Variants in RBFOX1 observed in about 807,000 individuals in gnomAD.
RBFOX1 encodes RNA binding protein fox-1 homolog 1.
A neutral mutation model predicts 57.7 loss-of-function variants in RBFOX1; 8 were observed. The ratio of observed to expected loss-of-function variants is 0.14; its 90% CI spans 0.08 to 0.25. The LOEUF (loss-of-function observed/expected upper bound fraction) is 0.25. RBFOX1 is among the 10% of genes least tolerant of loss of function. RBFOX1 has a pLI of 1.00. For synonymous variants in RBFOX1, 326 were observed against 222.4 expected, an observed-to-expected ratio of 1.47 and a Z score of -4.15; for missense variants, 611 against 548.5, an observed-to-expected ratio of 1.11 and a Z score of -1.14.
intron 1 of RBFOX1, among the ~76,000 whole-genome samples, chr16:6,242,255 T>G (rs1479983571): frequency 6.6e-6 from 1 of 152,202 alleles, no homozygotes; most frequent in South Asian, 2.1e-4. Context: ...TGTTGTTTAT[T>G]CAAACAGGAT....
rs562753084 is a variant in RBFOX1 at position 6,504,409 on chromosome 16, A to C, written c.-63-150194A>C. Among the ~76,000 whole-genome samples the C allele has an allele frequency of 3.3e-5, 5 of 152,330 alleles. No homozygotes were observed. In the East Asian group the frequency reaches 9.7e-4, roughly 29 times the overall value. ...TGTTTGCTTTTCTGATTCTGCTGGC[A>C]CTGGTGTATGCTTCACCATTGGTTT... is the stretch of plus-strand genomic sequence containing the variant. On this transcript the variant is annotated intron_variant, in intron 2 of 15. Coordinates refer to ENST00000550418, the MANE Select transcript of RBFOX1 (RefSeq NM_018723.4).
At chr16:6,411,252 C>A (rs2093450208) in intron 2 of RBFOX1, among the ~76,000 whole-genome samples, 1 of 152,180 alleles carries the variant, frequency 6.6e-6, no homozygotes, top group African/African-American at 2.4e-5. Flanking sequence ...AAAGCATTGG[C>A]ATTACTGGTG....
In RBFOX1 at chr16:6,492,796, A is replaced by G. The variant is rs2095663442; in HGVS notation, c.-63-161807A>G. ...AGTGGATTTGCCTGGATGTAAAACT[A>G]CATCTAAGATGTTATGAGTGAGGAA... On this transcript the variant is annotated intron_variant, in intron 2 of 15. Transcript: ENST00000550418. Among the ~76,000 whole-genome samples the G allele has an allele frequency of 1.3e-5, 2 of 152,194 alleles. 1 individual carries two copies. Among genetic ancestry groups the G allele is most frequent in the South Asian group, 4.1e-4 (2 of 4,834 alleles).
At chr16:7,524,399 T>C (rs1213541950) in intron 5 of RBFOX1, among the ~76,000 whole-genome samples, 3 of 152,204 alleles carry the variant, frequency 2.0e-5, no homozygotes, top group Non-Finnish European at 4.4e-5. Flanking sequence ...TTCTATTTCA[T>C]GTAGGCCTCC....
At position 7,350,560 on chromosome 16, in the gene RBFOX1, TG is replaced by T. The variant is rs571695864; in HGVS notation, c.28-167584del. ...CATGTTAAAAGATTCCTCTGGAAAG[TG>T]GGAGGAGGATGGACAAATAATCTTT... is the stretch of plus-strand genomic sequence containing the variant. On this transcript the variant is annotated intron_variant, in intron 4 of 15. Transcript: ENST00000550418. Among the ~76,000 whole-genome samples the T allele has an allele frequency of 1.4e-4, 22 of 152,142 alleles. 1 individual carries two copies. The highest frequency in any genetic ancestry group is 1.4e-3 in the Admixed American group (22 of 15,294).
chr16:7,242,304 A>G (rs1247595271), intron 4 of RBFOX1, among the ~76,000 whole-genome samples: 10 of 152,210 alleles, frequency 6.6e-5, no homozygotes, highest in Admixed American at 2.0e-4. Context: ...ACATGGAAAA[A>G]TAAATAATAG....
At chr16:5,383,274 C>G (rs1240421617) in intron 1 of RBFOX1, among the ~76,000 whole-genome samples, 1 of 152,124 alleles carries the variant, frequency 6.6e-6, no homozygotes, top group Admixed American at 6.5e-5. Flanking sequence ...GTGGCGCCCA[C>G]TGGTGTGGGG....
intron 3 of RBFOX1, among the ~76,000 whole-genome samples, chr16:6,931,327 A>G (rs1330838762): frequency 1.6e-5 from 2 of 122,146 alleles, no homozygotes; most frequent in East Asian, 2.5e-4. Context: ...CTATCTATCT[A>G]TCTATCTATC....
At chr16:5,506,278 C>T (rs546819658) in intron 2 of RBFOX1, among the ~76,000 whole-genome samples, 12 of 152,314 alleles carry the variant, frequency 7.9e-5, no homozygotes, top group East Asian at 1.9e-4. Context: ...GCCACATTTG[C>T]GAGAATAGGA....
In RBFOX1 at chr16:5,353,816, C is replaced by G. The variant is rs368155054; in HGVS notation, c.220-113400C>G. On this transcript the variant is annotated intron_variant, in intron 1 of 2. Transcript: ENST00000585867. ...GGGCTACTGTGCGCTTGCTCGCATCCGGTCTCCTGTGGGGTCCACAAGATG... is the reference window on the plus strand; with the variant it reads ...GGGCTACTGTGCGCTTGCTCGCATCGGGTCTCCTGTGGGGTCCACAAGATG... 1.3e-5 allele frequency among the ~76,000 whole-genome samples: 2 copies of G among 151,940 alleles called. 1 individual carries two copies. Among genetic ancestry groups the G allele is most frequent in the South Asian group, 4.2e-4 (2 of 4,802 alleles).
At position 7,419,925 on chromosome 16, in the gene RBFOX1, C is replaced by CTTTTTT. The variant is rs367626244; in HGVS notation, c.28-98208_28-98203dup. Among the ~76,000 whole-genome samples, 41 of 101,692 alleles carry CTTTTTT rather than the reference C, an allele frequency of 4.0e-4. No individual in the cohort carries two copies. In the East Asian group the frequency reaches 4.7e-3, roughly 12 times the overall value. The allele number at this position is 101,692 out of a possible 152,430, so 66.7% of individuals were successfully genotyped here. A position where few individuals can be genotyped will look rare whatever the true frequency, so the allele number is the denominator to read the frequency against. On this transcript the variant is annotated intron_variant, in intron 4 of 15. Coordinates refer to ENST00000550418, the MANE Select transcript of RBFOX1 (RefSeq NM_018723.4). The stretch of plus-strand genomic sequence containing the variant: ...AAGGATCTGTTTTCTTTCTTTCTTC[C>CTTTTTT]TTTTTTTTTTTTTTTTTTTAATTGT...
chr16:7,193,374 A>G (rs545408912), intron 4 of RBFOX1, among the ~76,000 whole-genome samples: 5 of 152,186 alleles, frequency 3.3e-5, no homozygotes, highest in Non-Finnish European at 5.9e-5. Context: ...TGCCCCACAA[A>G]CTCCTTAATT....
intron 1 of RBFOX1, among the ~76,000 whole-genome samples, chr16:5,305,247 G>T (rs974901201): frequency 6.6e-6 from 1 of 152,120 alleles, no homozygotes; most frequent in Non-Finnish European, 1.5e-5. Context: ...CATAAGCTGG[G>T]GCTCATGTTA....
In RBFOX1 at chr16:7,710,942, T is replaced by C. The variant is rs1308084554; in HGVS notation, c.*197T>C. ...TGTGTATTTTAATATTGTGGGTCTT[T>C]AATTTCTGAAGGTTCCGTAGTTTGG... On this transcript the variant is annotated 3_prime_UTR_variant, in exon 16 of 16. Transcript: ENST00000550418. The C allele has an allele frequency of 1.2e-5, 8 of 644,484 alleles. No homozygotes were observed. Among genetic ancestry groups the C allele is most frequent in the Non-Finnish European group, 2.3e-6 (1 of 442,058 alleles). 39.9% of individuals were successfully genotyped at this position (644,484 alleles called of 1,614,324 possible). A position where few individuals can be genotyped will look rare whatever the true frequency, so the allele number is the denominator to read the frequency against.
chr16:5,967,379 T>C (rs1345397895), intron 4 of RBFOX1, among the ~76,000 whole-genome samples: 2 of 152,210 alleles, frequency 1.3e-5, no homozygotes, highest in Non-Finnish European at 2.9e-5. Flanking sequence ...TGCTACCTGG[T>C]TTGATAAGAT....
intron 4 of RBFOX1, among the ~76,000 whole-genome samples, chr16:7,183,194 C>CT (rs1180881207): frequency 6.6e-6 from 1 of 152,160 alleles, no homozygotes; most frequent in Non-Finnish European, 1.5e-5. Flanking sequence ...ACAGCCACTT[C>CT]TCCTGGCTGC....
At chr16:7,268,771 C>T (rs144412591) in intron 4 of RBFOX1, among the ~76,000 whole-genome samples, 4,240 of 152,100 alleles carry the variant, frequency 0.028, 104 homozygotes, top group East Asian at 0.13. Context: ...CAGTGGCTCA[C>T]GCCTGTAATC....
chr16:6,151,408 C>A (rs1239467962), intron 1 of RBFOX1, among the ~76,000 whole-genome samples: 10 of 152,132 alleles, frequency 6.6e-5, no homozygotes, highest in Non-Finnish European at 1.5e-5. Flanking sequence ...GCCTCAGCCT[C>A]CCAAGTAGCT....
At chr16:5,748,646 G>T (rs1239615987) in intron 3 of RBFOX1, among the ~76,000 whole-genome samples, 24 of 151,984 alleles carry the variant, frequency 1.6e-4, no homozygotes. Flanking sequence ...TGTCTCTTTT[G>T]ATCTTTGTTG....
Sources: allele counts gnomAD v4.1 joint callset (sites outside exome capture counted in the v4.1 genomes callset), GRCh38; gene constraint gnomAD v4.1.1; transcripts MANE v1.5; gene names NCBI Gene and HGNC (gene_info 2026-07-23, HGNC 2026-07-21).